The following MSI2 variants were observed in gnomAD, a reference collection of about 807,000 sequenced individuals.
The protein encoded by MSI2 is musashi RNA binding protein 2, also known as RNA-binding protein Musashi homolog 2.
A neutral mutation model predicts 45.6 loss-of-function variants in MSI2; 17 were observed. That is an observed-to-expected ratio of 0.37 (90% confidence interval 0.26 to 0.56). The LOEUF is 0.56. Among genes scored for constraint, MSI2 ranks in the 20% least tolerant of loss-of-function variants. MSI2 has a pLI of 0.77. For synonymous variants in MSI2, 156 were observed against 158.2 expected, an observed-to-expected ratio of 0.99 and a Z score of 0.11; for missense variants, 293 against 444.2, an observed-to-expected ratio of 0.66 and a Z score of 3.06.
chr17:57,511,569 A>G (rs915976327), intron 6 of MSI2, among the ~76,000 whole-genome samples: 8 of 152,082 alleles, frequency 5.3e-5, no homozygotes, highest in Non-Finnish European at 1.2e-4. Context: ...CTGGGGAGGC[A>G]GGTTTCTCTC....
At chr17:57,416,687 G>A (rs2084300845) in intron 6 of MSI2, among the ~76,000 whole-genome samples, 1 of 152,156 alleles carries the variant, frequency 6.6e-6, no homozygotes, top group Admixed American at 6.5e-5. Context: ...AGACACCTGA[G>A]TGTGGCTGAT....
chr17:57,611,580 T>A (rs1907207724), intron 8 of MSI2, among the ~76,000 whole-genome samples: 1 of 96,950 alleles, frequency 1.0e-5, no homozygotes, highest in Non-Finnish European at 2.5e-5. Flanking sequence ...GAGGGAACAC[T>A]GTGAGTCCCA....
At chr17:57,292,705 C>T (rs1461379902) in intron 5 of MSI2, among the ~76,000 whole-genome samples, 1 of 152,158 alleles carries the variant, frequency 6.6e-6, no homozygotes, top group Non-Finnish European at 1.5e-5. Flanking sequence ...CTCCACGATG[C>T]CCTTGGGAGC....
chr17:57,604,053 C>G (rs1047664596), intron 8 of MSI2, among the ~76,000 whole-genome samples: 3 of 152,218 alleles, frequency 2.0e-5, no homozygotes, highest in Non-Finnish European at 2.9e-5. Flanking sequence ...ATGGTCAGAA[C>G]AGGGTGCTGT....
In MSI2 at chr17:57,262,163, G is replaced by A; in HGVS notation, c.283G>A (p.Val95Ile). 6.2e-7 allele frequency: 1 copy of A among 1,613,934 alleles called. No homozygotes were observed. The highest frequency in any genetic ancestry group is 8.5e-7 in the Non-Finnish European group (1 of 1,179,950). The change falls in exon 5 of 14, where the codon GTT (valine) becomes ATT (isoleucine). Residue 95 changes from valine to isoleucine, a missense_variant. Val to Ile is a conservative substitution (Grantham distance 29, BLOSUM62 3). Transcript: ENST00000284073. Reference sequence around the variant, plus strand: ...TTTTTTTTCCCAGATTGACCCCAAAGTTGCATTTCCTCGTCGAGCGCAACC... The same window carrying A: ...TTTTTTTTCCCAGATTGACCCCAAAATTGCATTTCCTCGTCGAGCGCAACC... Reference protein sequence around the residue: ...ELDSKTIDPKVAFPRRAQPKM... With the variant: ...ELDSKTIDPKIAFPRRAQPKM...
Position 57,632,075 on chromosome 17 carries a change from G to A in MSI2, c.727+4772G>A, listed in dbSNP as rs899021698. On this transcript the variant is annotated intron_variant, in intron 10 of 13. Coordinates refer to ENST00000284073, the MANE Select transcript of MSI2 (RefSeq NM_138962.4). The stretch of plus-strand genomic sequence containing the variant: ...TTTGCTTCTTGTATGCATTGTGACC[G>A]ACCCCACTTCCTCAGAATGTAACGG... 17 of 1,299,434 alleles carry A rather than the reference G, an allele frequency of 1.3e-5. No individual in the cohort carries two copies. In the African/African-American group the frequency reaches 1.4e-4, roughly 10 times the overall value. The allele number at this position is 1,299,434 out of a possible 1,614,324, so 80.5% of individuals were successfully genotyped here. A position where few individuals can be genotyped will look rare whatever the true frequency, so the allele number is the denominator to read the frequency against.
At chr17:57,382,564 A>G (rs2083615414) in intron 5 of MSI2, among the ~76,000 whole-genome samples, 1 of 152,196 alleles carries the variant, frequency 6.6e-6, no homozygotes, top group Non-Finnish European at 1.5e-5. Context: ...CATAGAGGGT[A>G]GACAGAACAG....
chr17:57,639,262 C>T (rs1195962826), intron 10 of MSI2, among the ~76,000 whole-genome samples: 2 of 152,208 alleles, frequency 1.3e-5, no homozygotes, highest in East Asian at 1.9e-4. Flanking sequence ...CACAGAAGTT[C>T]GCCAGGCAGA....
chr17:57,590,137 C>T (rs560667205), intron 7 of MSI2, among the ~76,000 whole-genome samples: 1 of 152,268 alleles, frequency 6.6e-6, no homozygotes, highest in Non-Finnish European at 1.5e-5. Context: ...TTTCCTCCCT[C>T]ATTTTTTTTT....
At chr17:57,676,266 G>GCACACGCACGCA in intron 12 of MSI2, among the ~76,000 whole-genome samples, 1 of 151,794 alleles carries the variant, frequency 6.6e-6, no homozygotes, top group East Asian at 1.9e-4. Flanking sequence ...AGACATGCAC[G>GCACACGCACGCA]CACACGCACG....
At position 57,525,272 on chromosome 17, in the gene MSI2, T is replaced by TG. The variant is rs370874342; in HGVS notation, c.406-4396dup. Among the ~76,000 whole-genome samples the TG allele has an allele frequency of 2.6e-4, 40 of 151,428 alleles. 1 individual carries two copies. Among genetic ancestry groups the TG allele is most frequent in the South Asian group, 4.2e-4 (2 of 4,726 alleles). On this transcript the variant is annotated intron_variant, in intron 6 of 13. Coordinates refer to ENST00000284073, the MANE Select transcript of MSI2 (RefSeq NM_138962.4). ...TAAATGTTACTTTACTTTGCTTTTT[T>TG]GGGGGGGGCAGGTGGGGGAGGTTGT...
rs1189275292 is a variant in MSI2, at chr17:57,294,139, G to GA, written c.312+31948dup. 2.0e-5 allele frequency among the ~76,000 whole-genome samples: 3 copies of GA among 152,056 alleles called. No individual in the cohort carries two copies. The East Asian group carries it at 5.8e-4, about 29-fold the overall frequency. On this transcript the variant is annotated intron_variant, in intron 5 of 13. Coordinates refer to ENST00000284073, the MANE Select transcript of MSI2 (RefSeq NM_138962.4). The stretch of plus-strand genomic sequence containing the variant: ...TCTGGAGGCGGACTTGTTTATTTTT[G>GA]ACAGAATGAATCTTGGACATGGGAG...
At chr17:57,501,132 C>T (rs1034487706) in intron 6 of MSI2, among the ~76,000 whole-genome samples, 1 of 152,126 alleles carries the variant, frequency 6.6e-6, no homozygotes, top group South Asian at 2.1e-4. Context: ...CTTGTTCTGT[C>T]GCTCACCCAA....
chr17:57,548,680 G>A (rs907072782), intron 7 of MSI2, among the ~76,000 whole-genome samples: 10 of 151,816 alleles, frequency 6.6e-5, no homozygotes, highest in Admixed American at 3.3e-4. Flanking sequence ...GGTGTGGGGG[G>A]CTGGGAGCGG....
chr17:57,300,685 A>G lies in MSI2; in HGVS notation c.312+38493A>G, dbSNP rs1217872737. On this transcript the variant is annotated intron_variant, in intron 5 of 13. Coordinates refer to ENST00000284073, the MANE Select transcript of MSI2 (RefSeq NM_138962.4). ...AAAGAAAAAGAGGTTTAATGGACTC[A>G]CAGTTCCACGTGGCTGGGGGAGCAT... Among the ~76,000 whole-genome samples the G allele has an allele frequency of 2.0e-5, 3 of 152,202 alleles. No individual in the cohort carries two copies. In the East Asian group the frequency reaches 5.8e-4, roughly 29 times the overall value.
chr17:57,590,904 T>C (rs1904769283), intron 7 of MSI2, among the ~76,000 whole-genome samples: 1 of 152,188 alleles, frequency 6.6e-6, no homozygotes, highest in Non-Finnish European at 1.5e-5. Context: ...TGAGTGAGTT[T>C]AAATACCCAG....
At chr17:57,506,463 A>G (rs1169963253) in intron 6 of MSI2, among the ~76,000 whole-genome samples, 3 of 152,220 alleles carry the variant, frequency 2.0e-5, no homozygotes, top group East Asian at 3.8e-4. Context: ...ATGTCTCACA[A>G]GTGGATAAAC....
intron 5 of MSI2, among the ~76,000 whole-genome samples, chr17:57,385,772 G>T (rs562809226): frequency 6.6e-6 from 1 of 152,198 alleles, no homozygotes; most frequent in African/African-American, 2.4e-5. Flanking sequence ...TTCCCTGACT[G>T]GTCTGACTTC....
At chr17:57,512,435 T>A (rs2086375186) in intron 6 of MSI2, among the ~76,000 whole-genome samples, 1 of 152,222 alleles carries the variant, frequency 6.6e-6, no homozygotes, top group African/African-American at 2.4e-5. Flanking sequence ...TGCTGTCACC[T>A]GTTGCCATCT....
Sources: allele counts gnomAD v4.1 joint callset (sites outside exome capture counted in the v4.1 genomes callset), GRCh38; gene constraint gnomAD v4.1.1; transcripts MANE v1.5; gene names NCBI Gene and HGNC (gene_info 2026-07-23, HGNC 2026-07-21).